ECE1: variants seen among roughly 807,000 people sequenced by gnomAD.
ECE1 encodes the protein endothelin converting enzyme 1, also known as endothelin-converting enzyme 1.
Under a neutral mutation model 98.6 loss-of-function variants are expected in ECE1, and 35 were observed. That is an observed-to-expected ratio of 0.35 (90% CI 0.27 to 0.47). ECE1 has a LOEUF of 0.47. Ranked by LOEUF, ECE1 falls within the 20% of genes least tolerant of loss-of-function variation. ECE1 has a pLI of 1.00. For missense variants in ECE1, 814 were observed against 1,025.3 expected, an observed-to-expected ratio of 0.79 and a Z score of 2.81; for synonymous variants, 394 against 407.1, an observed-to-expected ratio of 0.97 and a Z score of 0.39.
At chr1:21,275,930 T>C (rs372261057) in intron 3 of ECE1, among the ~76,000 whole-genome samples, 1 of 152,130 alleles carries the variant, frequency 6.6e-6, no homozygotes, top group East Asian at 1.9e-4. Flanking sequence ...TTTCTCCTAC[T>C]AGAATGTGAA....
At chr1:21,279,849 A>G in intron 2 of ECE1, 8 of 444,204 alleles carry the variant, frequency 1.8e-5, no homozygotes, top group Non-Finnish European at 2.4e-5. Context: ...TTTTCTTTTT[A>G]CAAGTGAGGA....
intron 3 of ECE1, among the ~76,000 whole-genome samples, 192 bp from the exon 4 acceptor site, chr1:21,273,103 G>A (rs2098242281): frequency 6.6e-6 from 1 of 152,250 alleles, no homozygotes; most frequent in Non-Finnish European, 1.5e-5. Context: ...CTACTCAGCT[G>A]TCTAAAATCC....
At chr1:21,306,844 C>T (rs958678034) in intron 1 of ECE1, among the ~76,000 whole-genome samples, 4 of 152,078 alleles carry the variant, frequency 2.6e-5, no homozygotes, top group East Asian at 1.9e-4. Flanking sequence ...GGGGAGGAGT[C>T]GAGGAAGGTC....
chr1:21,290,601 G>A, upstream of ECE1: 1 of 1,188,110 alleles, frequency 8.4e-7, no homozygotes, highest in Non-Finnish European at 1.0e-6. The surrounding 1 kb of genome is among the most constrained non-coding windows in gnomAD (Gnocchi z 7.3). Flanking sequence ...TCCCTTCCCC[G>A]GAGGTCGGGA....
Position 21,345,276 on chromosome 1 carries a change from C to A in ECE1, c.3+100G>T. On this transcript the variant is annotated intron_variant, in intron 1 of 18. Transcript: ENST00000415912. This position sits in a 1 kb window ranked among gnomAD's most constrained non-coding sequence, Gnocchi z 5.1. ...TGCTGCTGCAGCCGGCGCCCAGCCC[C>A]CCGCGAGCCAGGGCGGCCCCGGGTG... 1 of 1,224,422 alleles carries A rather than the reference C, an allele frequency of 8.2e-7. No homozygotes were observed. Among genetic ancestry groups the A allele is most frequent in the African/African-American group, 1.6e-5 (1 of 62,798 alleles). 75.8% of individuals were successfully genotyped at this position (1,224,422 alleles called of 1,614,324 possible).
Position 21,228,035 on chromosome 1 carries a change from G to A in ECE1, c.1677C>T (p.Ser559=). The change falls in exon 15 of 19, where the codon AGC becomes AGT. Residue 559 remains serine, a synonymous_variant. Transcript: ENST00000374893. ...AGGCGTTCACCATGGGCGGGGTCAT[G>A]CTCCACCTGCAAGCAACACACATGC... ...LRKAPNRDQW[S]MTPPMVNAYY... The A allele has an allele frequency of 6.4e-7, 1 of 1,560,138 alleles. No individual in the cohort carries two copies. The highest frequency in any genetic ancestry group is 1.2e-5 in the South Asian group (1 of 84,650).
At chr1:21,308,530 C>T (rs961523910) in intron 1 of ECE1, among the ~76,000 whole-genome samples, 12 of 151,912 alleles carry the variant, frequency 7.9e-5, no homozygotes, top group South Asian at 2.1e-4. Flanking sequence ...TTCCAGAAAC[C>T]CTTTGGGATC....
intron 1 of ECE1, among the ~76,000 whole-genome samples, chr1:21,338,374 C>A (rs759839343): frequency 2.0e-5 from 3 of 152,196 alleles, no homozygotes; most frequent in Non-Finnish European, 4.4e-5. Context: ...CAAACCTTAT[C>A]CTGTGCCAAG....
intron 10 of ECE1, 21 bp from the exon 11 acceptor site, chr1:21,238,265 G>C (rs770283621): frequency 6.3e-7 from 1 of 1,590,264 alleles, no homozygotes; most frequent in South Asian, 1.1e-5. Flanking sequence ...CAAGTCAGGG[G>C]GCTCGCTGGG....
intron 1 of ECE1, among the ~76,000 whole-genome samples, chr1:21,344,321 G>A (rs1009601497): frequency 5.3e-5 from 8 of 152,194 alleles, no homozygotes; most frequent in Admixed American, 2.0e-4. Context: ...AAGTGGAGGG[G>A]CTGGATCACA....
rs185661429 is a variant in ECE1 at position 21,336,723 on chromosome 1, G to A, written c.3+8653C>T. Among the ~76,000 whole-genome samples, 8 of 152,250 alleles carry A rather than the reference G, an allele frequency of 5.3e-5. No individual in the cohort carries two copies. In the East Asian group the frequency reaches 1.5e-3, roughly 29 times the overall value. The stretch of plus-strand genomic sequence containing the variant: ...CCAAGCGTGGTGGCGGGCACCTGTA[G>A]TCCCAGCTACTCAGGAGGCTGAGGC... On this transcript the variant is annotated intron_variant, in intron 1 of 18. Coordinates refer to the ECE1 transcript ENST00000415912.
At chr1:21,343,449 A>G (rs1202298154) in intron 1 of ECE1, among the ~76,000 whole-genome samples, 2 of 152,232 alleles carry the variant, frequency 1.3e-5, no homozygotes, top group Non-Finnish European at 2.9e-5. Context: ...GATGGATGAC[A>G]GACTTTTGTT....
Position 21,220,958 on chromosome 1 carries a change from T to G in ECE1, c.2136+789A>C, listed in dbSNP as rs1309626955. Among the ~76,000 whole-genome samples, 1 of 152,150 alleles carries G rather than the reference T, an allele frequency of 6.6e-6. No individual in the cohort carries two copies. The highest frequency in any genetic ancestry group is 2.4e-5 in the African/African-American group (1 of 41,426). On this transcript the variant is annotated intron_variant, in intron 18 of 18. Coordinates refer to ENST00000374893, the MANE Select transcript of ECE1 (RefSeq NM_001397.3). This position sits in a 1 kb window ranked among gnomAD's most constrained non-coding sequence, Gnocchi z 5.0. ...CCCATGCCAGCAGCCTCTAACGCAG[T>G]TGTCTCCAAACTGTTCTCCTTCAGC...
intron 2 of ECE1, among the ~76,000 whole-genome samples, chr1:21,282,916 C>T (rs964273249): frequency 2.0e-5 from 3 of 149,844 alleles, no homozygotes; most frequent in Non-Finnish European, 1.5e-5. Flanking sequence ...TTTGATAGTG[C>T]AATTCTATCT....
chr1:21,313,454 G>A (rs1221052795), intron 1 of ECE1, among the ~76,000 whole-genome samples: 1 of 152,216 alleles, frequency 6.6e-6, no homozygotes, highest in Non-Finnish European at 1.5e-5. Flanking sequence ...CATTGGCTCA[G>A]GAGGACAGGA....
intron 17 of ECE1, among the ~76,000 whole-genome samples, chr1:21,224,818 T>G (rs1307854356): frequency 6.6e-6 from 1 of 152,204 alleles, no homozygotes; most frequent in East Asian, 1.9e-4. Flanking sequence ...CAAGTGAGGC[T>G]CAAGGAGGTT....
chr1:21,245,469 A>G (rs2098202135), intron 9 of ECE1, among the ~76,000 whole-genome samples: 1 of 151,968 alleles, frequency 6.6e-6, no homozygotes, highest in African/African-American at 2.4e-5. Flanking sequence ...TACCACTTCT[A>G]CAGCTTGGAG....
In ECE1 at chr1:21,307,977, C is replaced by A. The variant is rs1638635705; in HGVS notation, c.4-17821G>T. Reference sequence around the variant, plus strand: ...AATGGGTCACACGCCTTCTGGATCCCCCCAGAAGGTCTAGAATGGGGTCAC... The same window carrying A: ...AATGGGTCACACGCCTTCTGGATCCACCCAGAAGGTCTAGAATGGGGTCAC... On this transcript the variant is annotated intron_variant, in intron 1 of 18. Transcript: ENST00000415912. The surrounding 1 kb of genome is among the most constrained non-coding windows in gnomAD (Gnocchi z 4.2). Among the ~76,000 whole-genome samples the A allele has an allele frequency of 6.6e-6, 1 of 152,110 alleles. No individual in the cohort carries two copies. Among genetic ancestry groups the A allele is most frequent in the Non-Finnish European group, 1.5e-5 (1 of 68,006 alleles).
At chr1:21,249,836 C>T (rs868574947) in intron 8 of ECE1, among the ~76,000 whole-genome samples, 32 of 152,168 alleles carry the variant, frequency 2.1e-4, no homozygotes, top group Non-Finnish European at 3.2e-4. Flanking sequence ...TGCAGTGGTG[C>T]GATCTCAGCT....
Sources: allele counts gnomAD v4.1 joint callset (sites outside exome capture counted in the v4.1 genomes callset), GRCh38; gene constraint gnomAD v4.1.1; non-coding constraint Gnocchi (gnomAD v3.1); transcripts MANE v1.5; gene names NCBI Gene and HGNC (gene_info 2026-07-23, HGNC 2026-07-21).